Variants in SFMBT2 observed in about 807,000 individuals in gnomAD.
The protein encoded by SFMBT2 is scm-like with four MBT domains protein 2.
In SFMBT2, 38 loss-of-function variants were observed where a neutral mutation model predicts 110.1. The ratio of observed to expected loss-of-function variants is 0.35; its 90% CI spans 0.27 to 0.45. The LOEUF (loss-of-function observed/expected upper bound fraction) is 0.45. Among genes scored for constraint, SFMBT2 ranks in the 20% least tolerant of loss-of-function variants. The pLI, the probability that SFMBT2 is intolerant of heterozygous loss-of-function variation, is 1.00. For missense variants in SFMBT2, 1,011 were observed against 1,094.9 expected (o/e 0.92, Z 1.08); for synonymous variants, 425 against 425.4 (o/e 1.00, Z 0.01).
chr10:7,324,579 A>C (rs1843314344), intron 4 of SFMBT2, among the ~76,000 whole-genome samples: 1 of 152,226 alleles, frequency 6.6e-6, no homozygotes, highest in Non-Finnish European at 1.5e-5. Flanking sequence ...GGCTGTACTC[A>C]CTTCCACTAT....
At chr10:7,384,544 A>G (rs1324084532) in intron 1 of SFMBT2, among the ~76,000 whole-genome samples, 1 of 152,236 alleles carries the variant, frequency 6.6e-6, no homozygotes, top group Admixed American at 6.5e-5. Flanking sequence ...AAATGAAGTT[A>G]TCTTATATCC....
chr10:7,290,813 G>A (rs1262029378), intron 4 of SFMBT2, among the ~76,000 whole-genome samples: 1 of 152,044 alleles, frequency 6.6e-6, no homozygotes, highest in Admixed American at 6.6e-5. Context: ...CTCCAGCCTG[G>A]GTAACAGAGT....
At chr10:7,271,343 T>G (rs1211463350) in intron 7 of SFMBT2, among the ~76,000 whole-genome samples, 1 of 149,338 alleles carries the variant, frequency 6.7e-6, no homozygotes, top group Non-Finnish European at 1.5e-5. Context: ...CATATGTCCA[T>G]GAATTCACGC....
intron 2 of SFMBT2, among the ~76,000 whole-genome samples, chr10:7,371,920 A>ATTTTTTTTTTT (rs762872004): frequency 1.2e-4 from 9 of 77,738 alleles, no homozygotes; most frequent in Non-Finnish European, 1.4e-4. Flanking sequence ...TCCACCTGTA[A>ATTTTTTTTTTT]TTTTTTTTTT....
At chr10:7,197,900 G>A in intron 14 of SFMBT2, 1 of 893,032 alleles carries the variant, frequency 1.1e-6, no homozygotes, top group South Asian at 5.2e-5. Flanking sequence ...CTGTAATTAG[G>A]AGGCCACACT....
Position 7,381,861 on chromosome 10 carries a change from G to A in SFMBT2, c.38C>T (p.Pro13Leu). Reference sequence around the variant, plus strand: ...ACACTTTTCCAAGGGTGAAGATGAAGGGTCTTGCATATTGGAAGCTGACAA... The same window carrying A: ...ACACTTTTCCAAGGGTGAAGATGAAAGGTCTTGCATATTGGAAGCTGACAA... Reference protein sequence around the residue: ...STLSASNMQDPSSSPLEKCLG... With the variant: ...STLSASNMQDLSSSPLEKCLG... The change falls in exon 2 of 21, where the codon CCT becomes CTT. Residue 13 changes from proline (P) to leucine (L), a missense_variant. Transcript: ENST00000397167. 6.2e-7 allele frequency: 1 copy of A among 1,613,544 alleles called. No homozygotes were observed. Among genetic ancestry groups the A allele is most frequent in the Non-Finnish European group, 8.5e-7 (1 of 1,179,702 alleles).
Position 7,163,699 on chromosome 10 carries a change from A to G in SFMBT2, c.*71T>C. The G allele has an allele frequency of 7.1e-7, 1 of 1,403,564 alleles. No homozygotes were observed. The highest frequency in any genetic ancestry group is 1.3e-5 in the South Asian group (1 of 79,978). The allele number at this position is 1,403,564 out of a possible 1,614,324, so 86.9% of individuals were successfully genotyped here. On this transcript the variant is annotated 3_prime_UTR_variant, in exon 21 of 21. Coordinates refer to ENST00000397167, the MANE Select transcript of SFMBT2 (RefSeq NM_001387889.1). The surrounding 1 kb of genome is among the most constrained non-coding windows in gnomAD (Gnocchi z 4.8). ...ACCATTTAACATATCCCGGAAAATC[A>G]AAGTTTCAGTCCTGGAAACCTTTAC...
At chr10:7,205,032 C>G in intron 12 of SFMBT2, 2 of 582,482 alleles carry the variant, frequency 3.4e-6, no homozygotes, top group African/African-American at 4.0e-5. Flanking sequence ...TTATAAAGTA[C>G]AGTTGAAATA....
intron 4 of SFMBT2, among the ~76,000 whole-genome samples, chr10:7,294,898 T>C (rs71481713): frequency 1.2e-4 from 19 of 152,340 alleles, no homozygotes; most frequent in Admixed American, 5.9e-4. Flanking sequence ...CATTACACTA[T>C]GACAATTCAG....
In SFMBT2 at chr10:7,172,798, C is replaced by T. The variant is rs1190477447; in HGVS notation, c.1985-137G>A. ...GCCTTACGAAGTCATTCTGAGAAAA[C>T]AGACCCACAGGAGAAGCACTGCTCC... On this transcript the variant is annotated intron_variant, in intron 17 of 20. Coordinates refer to ENST00000397167, the MANE Select transcript of SFMBT2 (RefSeq NM_001387889.1). This position sits in a 1 kb window ranked among gnomAD's most constrained non-coding sequence, Gnocchi z 4.6. 2 of 1,102,820 alleles carry T rather than the reference C, an allele frequency of 1.8e-6. No homozygotes were observed. The highest frequency in any genetic ancestry group is 2.6e-6 in the Non-Finnish European group (2 of 783,630). The allele number at this position is 1,102,820 out of a possible 1,614,324, so 68.3% of individuals were successfully genotyped here. A position where few individuals can be genotyped will look rare whatever the true frequency, so the allele number is the denominator to read the frequency against.
At chr10:7,404,714 C>T (rs1380685201) in intron 1 of SFMBT2, among the ~76,000 whole-genome samples, 2 of 152,210 alleles carry the variant, frequency 1.3e-5, no homozygotes, top group Non-Finnish European at 2.9e-5. Flanking sequence ...GAAGCCTAGA[C>T]GTGTCATCTC....
Position 7,248,560 on chromosome 10 carries a change from C to T in SFMBT2, c.960G>A (p.Ala320=), listed in dbSNP as rs537921590. The change falls in exon 8 of 21, where the codon GCG becomes GCA. Residue 320 remains alanine, a synonymous_variant. Transcript: ENST00000397167. ...GAGGAAAACCCACCTTAGTCACCGA[C>T]GCAGGAGAGATGTAAAAGGGCTCGC... ...NMCEPFYISP[A]SVTKVFNNHF... 12 of 1,614,056 alleles carry T rather than the reference C, an allele frequency of 7.4e-6. No homozygotes were observed. The highest frequency in any genetic ancestry group is 5.0e-5 in the Admixed American group (3 of 60,022).
intron 4 of SFMBT2, among the ~76,000 whole-genome samples, chr10:7,326,007 G>T (rs965600643): frequency 1.3e-5 from 2 of 152,220 alleles, no homozygotes; most frequent in Non-Finnish European, 2.9e-5. Flanking sequence ...CACAAGAATA[G>T]TCATACGTAA....
intron 4 of SFMBT2, among the ~76,000 whole-genome samples, chr10:7,356,653 T>A (rs1844524736): frequency 6.6e-6 from 1 of 152,208 alleles, no homozygotes; most frequent in South Asian, 2.1e-4. Context: ...CCTCAAGTGA[T>A]CCTCCCTCCT....
At chr10:7,305,144 T>C (rs1460127901) in intron 4 of SFMBT2, among the ~76,000 whole-genome samples, 2 of 152,194 alleles carry the variant, frequency 1.3e-5, no homozygotes, top group Admixed American at 1.3e-4. Flanking sequence ...CCATGCTGCT[T>C]ACTCGGGTAA....
intron 11 of SFMBT2, chr10:7,214,456 G>A (rs185688040): frequency 6.1e-5 from 40 of 652,640 alleles, no homozygotes; most frequent in Admixed American, 6.3e-5. Context: ...AGATGCCACC[G>A]GACAATTGCA....
At chr10:7,407,969 C>G (rs113651817) in intron 1 of SFMBT2, among the ~76,000 whole-genome samples, 49 of 152,346 alleles carry the variant, frequency 3.2e-4, no homozygotes, top group African/African-American at 1.1e-3. Context: ...AGTCTCGGCT[C>G]CTCCCTCCTC....
intron 4 of SFMBT2, among the ~76,000 whole-genome samples, chr10:7,312,484 T>C (rs2131906057): frequency 6.6e-6 from 1 of 152,078 alleles, no homozygotes; most frequent in East Asian, 1.9e-4. Context: ...AAATACAGAA[T>C]AAAATAGAGG....
At chr10:7,251,384 C>A (rs956167902) in intron 7 of SFMBT2, among the ~76,000 whole-genome samples, 2 of 152,056 alleles carry the variant, frequency 1.3e-5, no homozygotes, top group Admixed American at 1.3e-4. Context: ...AGAGGCAGGA[C>A]AATCATTTGA....
Sources: allele counts gnomAD v4.1 joint callset (sites outside exome capture counted in the v4.1 genomes callset), GRCh38; gene constraint gnomAD v4.1.1; non-coding constraint Gnocchi (gnomAD v3.1); transcripts MANE v1.5; gene names NCBI Gene and HGNC (gene_info 2026-07-23, HGNC 2026-07-21).